The following SYNJ1 variants were observed in gnomAD, a reference collection of about 807,000 sequenced individuals.
SYNJ1 encodes the protein polyphosphatidylinositol phosphatase SYNJ1.
Under a neutral mutation model 168.2 loss-of-function variants are expected in SYNJ1, and 78 were observed. The observed-to-expected ratio is 0.46, with a 90% CI of 0.39 to 0.56. The LOEUF (loss-of-function observed/expected upper bound fraction) is 0.56, where lower values mean the gene tolerates loss of function less well. SYNJ1 is among the 20% of genes least tolerant of loss of function. The pLI is 0.00. For synonymous variants in SYNJ1, 539 were observed against 548.6 expected, an observed-to-expected ratio of 0.98 and a Z score of 0.24; for missense variants, 1,303 against 1,597.6, an observed-to-expected ratio of 0.82 and a Z score of 3.14.
intron 2 of SYNJ1, among the ~76,000 whole-genome samples, chr21:32,710,525 G>T (rs2042789352): frequency 6.6e-6 from 1 of 151,700 alleles, no homozygotes; most frequent in Non-Finnish European, 1.5e-5. Flanking sequence ...ACAGACATTT[G>T]AACTTTTTTT....
intron 2 of SYNJ1, among the ~76,000 whole-genome samples, chr21:32,714,690 A>T (rs2042958846): frequency 6.6e-6 from 1 of 152,248 alleles, no homozygotes; most frequent in Non-Finnish European, 1.5e-5. Context: ...AGTGGTTGGT[A>T]AGACCATCAA....
At chr21:32,655,367 T>C (rs996806832) in intron 21 of SYNJ1, among the ~76,000 whole-genome samples, 2 of 152,240 alleles carry the variant, frequency 1.3e-5, no homozygotes, top group Admixed American at 1.3e-4. Context: ...CTGTGTACTT[T>C]CAAGAACCTT....
Position 32,727,973 on chromosome 21 carries a change from C to T in SYNJ1, c.-50G>A, listed in dbSNP as rs1350157069. On this transcript the variant is annotated 5_prime_UTR_variant, in exon 1 of 33. Coordinates refer to ENST00000674351, the MANE Select transcript of SYNJ1 (RefSeq NM_203446.3). The stretch of plus-strand genomic sequence containing the variant: ...CTTCCTCCGGCTCCTCCTCCTCCTT[C>T]TCCCGCAGCCGCCGCCACAGCCGCC... The T allele has an allele frequency of 2.0e-6, 3 of 1,535,046 alleles. No homozygotes were observed. The highest frequency in any genetic ancestry group is 1.7e-6 in the Non-Finnish European group (2 of 1,146,050).
chr21:32,652,516 A>AT (rs2040310368), intron 22 of SYNJ1, among the ~76,000 whole-genome samples: 2 of 152,098 alleles, frequency 1.3e-5, no homozygotes, highest in South Asian at 4.1e-4. Flanking sequence ...CATACAAAGA[A>AT]TTTTTTTTCT....
chr21:32,701,921 A>T (rs758531207), intron 3 of SYNJ1, 40 bp downstream of exon 3: 1 of 1,430,178 alleles, frequency 7.0e-7, no homozygotes, highest in Non-Finnish European at 9.5e-7. Context: ...ACAAAATAGA[A>T]ATGAAAAAAT....
chr21:32,651,086 A>G (rs573611693), intron 22 of SYNJ1, among the ~76,000 whole-genome samples: 1 of 152,372 alleles, frequency 6.6e-6, no homozygotes, highest in African/African-American at 2.4e-5. Context: ...AAACTTGCTG[A>G]TAACAGCAAG....
At chr21:32,643,267 A>G in intron 27 of SYNJ1, 143 bp downstream of exon 27, 2 of 765,560 alleles carry the variant, frequency 2.6e-6, no homozygotes, top group Non-Finnish European at 4.3e-6. Flanking sequence ...TACAAGGTAT[A>G]CATAAGGAGG....
Position 32,638,651 on chromosome 21 carries a change from C to T in SYNJ1, c.3915+257G>A, listed in dbSNP as rs560475205. On this transcript the variant is annotated intron_variant, in intron 31 of 32. Coordinates refer to ENST00000674351, the MANE Select transcript of SYNJ1 (RefSeq NM_203446.3). ...GGCGGAGGTTGCAGTGAGCGGAGAT[C>T]ATGCCACTTCACTCCAGCCTGGGAG... Among the ~76,000 whole-genome samples, 6 of 152,176 alleles carry T rather than the reference C, an allele frequency of 3.9e-5. No individual in the cohort carries two copies. In the South Asian group the frequency reaches 1.2e-3, roughly 32 times the overall value.
At chr21:32,699,413 G>A (rs1037387089) in intron 4 of SYNJ1, among the ~76,000 whole-genome samples, 1 of 152,136 alleles carries the variant, frequency 6.6e-6, no homozygotes, top group Admixed American at 6.5e-5. Flanking sequence ...CACCACCCCA[G>A]GAAGGTATAG....
rs766558326 is a variant in SYNJ1, at chr21:32,642,151, A to G, written c.3479-18T>C. 5 of 1,587,986 alleles carry G rather than the reference A, an allele frequency of 3.1e-6. No homozygotes were observed. Among genetic ancestry groups the G allele is most frequent in the East Asian group, 2.3e-5 (1 of 43,458 alleles). On this transcript the variant is annotated intron_variant, in intron 27 of 32. Coordinates refer to ENST00000674351, the MANE Select transcript of SYNJ1 (RefSeq NM_203446.3). ...TTTGGGTGCTTTGAAGCAAGAAGGG[A>G]AAAAAAAATTAGTTGTAAGTTAACA...
Position 32,688,233 on chromosome 21 carries a change from G to T in SYNJ1, c.851+73C>A, listed in dbSNP as rs912396201. On this transcript the variant is annotated intron_variant, in intron 7 of 32. Transcript: ENST00000674351. The stretch of plus-strand genomic sequence containing the variant: ...ATTTAAAGCCAAAAAAGTTTGAAGT[G>T]AATCAGTAAATACAAGCAGTCCCAC... 45 of 1,423,144 alleles carry T rather than the reference G, an allele frequency of 3.2e-5. No individual in the cohort carries two copies. In the South Asian group the frequency reaches 5.8e-4, roughly 18 times the overall value. The allele number at this position is 1,423,144 out of a possible 1,614,324, so 88.2% of individuals were successfully genotyped here. A position where few individuals can be genotyped will look rare whatever the true frequency, so the allele number is the denominator to read the frequency against.
intron 29 of SYNJ1, 57 bp downstream of exon 29, chr21:32,641,839 A>G: frequency 1.5e-6 from 2 of 1,295,316 alleles, no homozygotes; most frequent in Non-Finnish European, 2.2e-6. Context: ...AAAACTGACT[A>G]GTAGTAAACA....
At chr21:32,687,332 G>A (rs1356931004) in intron 7 of SYNJ1, among the ~76,000 whole-genome samples, 1 of 152,178 alleles carries the variant, frequency 6.6e-6, no homozygotes, top group African/African-American at 2.4e-5. Context: ...TGCCCACTCT[G>A]TGAGGCTGGC....
chr21:32,657,938 G>A (rs187551463), intron 18 of SYNJ1, 66 bp from the exon 19 acceptor site: 2 of 1,320,514 alleles, frequency 1.5e-6, no homozygotes, highest in Non-Finnish European at 2.1e-6. Flanking sequence ...CATTCAGACA[G>A]TCATCCATTA....
chr21:32,714,059 T>C (rs1185450458), intron 2 of SYNJ1, among the ~76,000 whole-genome samples: 2 of 152,202 alleles, frequency 1.3e-5, no homozygotes, highest in Non-Finnish European at 2.9e-5. Flanking sequence ...TATCAAGCTG[T>C]ATGTTTAAGA....
chr21:32,716,897 C>T lies in SYNJ1; in HGVS notation c.124+9875G>A, dbSNP rs141955111. 6.1e-3 allele frequency among the ~76,000 whole-genome samples: 926 copies of T among 151,512 alleles called. 7 individuals are homozygous for T. Among genetic ancestry groups the T allele is most frequent in the Admixed American group, 0.013 (191 of 15,230 alleles). On this transcript the variant is annotated intron_variant, in intron 2 of 32. Coordinates refer to ENST00000674351, the MANE Select transcript of SYNJ1 (RefSeq NM_203446.3). The stretch of plus-strand genomic sequence containing the variant: ...TTACTATGTCTTCAAGTTTGCCAAT[C>T]ATTTCTTCTACAATGTCTAATATAG...
chr21:32,638,645 G>A (rs896057182), intron 31 of SYNJ1, among the ~76,000 whole-genome samples: 5 of 152,050 alleles, frequency 3.3e-5, no homozygotes, highest in African/African-American at 9.6e-5. Context: ...TGCAGTGAGC[G>A]GAGATCATGC....
chr21:32,716,480 C>T (rs868526494), intron 2 of SYNJ1, among the ~76,000 whole-genome samples: 2 of 152,152 alleles, frequency 1.3e-5, no homozygotes, highest in African/African-American at 4.8e-5. Flanking sequence ...AAGATGTTCC[C>T]AATGTCCTCT....
intron 2 of SYNJ1, among the ~76,000 whole-genome samples, chr21:32,713,428 GGAT>G (rs202204467): frequency 0.032 from 3,718 of 115,132 alleles, 189 homozygotes; most frequent in Non-Finnish European, 0.047. Flanking sequence ...ATGTCAACAT[GGAT>G]GATTTCCCAT....
Sources: gnomAD v4.1 joint callset for allele counts (sites outside exome capture counted in the v4.1 genomes callset) on GRCh38, gnomAD v4.1.1 for gene constraint, MANE v1.5 for transcripts, NCBI Gene and HGNC (gene_info 2026-07-23, HGNC 2026-07-21) for gene names.